The following EHBP1 variants were observed in gnomAD, a reference collection of about 807,000 sequenced individuals.
EHBP1 encodes EH domain binding protein 1, also known as EH domain-binding protein 1.
EHBP1 carries 55 observed loss-of-function variants against 144.0 expected under a neutral mutation model. That is an observed-to-expected ratio of 0.38 (90% CI 0.31 to 0.48). EHBP1 has a LOEUF of 0.48. EHBP1 is among the 20% of genes least tolerant of loss of function. The pLI is 0.98. For synonymous variants in EHBP1, 469 were observed against 472.7 expected (o/e 0.99, Z 0.10); for missense variants, 1,200 against 1,364.2 (o/e 0.88, Z 1.90).
At chr2:63,043,721 G>A (rs1265420748) in intron 21 of EHBP1, among the ~76,000 whole-genome samples, 2 of 151,822 alleles carry the variant, frequency 1.3e-5, no homozygotes, top group African/African-American at 4.8e-5. Flanking sequence ...ATTCTTGTGT[G>A]GTTTGTGAAG....
At chr2:63,019,870 A>AGGAAGGAG (rs1200948110) in intron 19 of EHBP1, among the ~76,000 whole-genome samples, 1 of 144,210 alleles carries the variant, frequency 6.9e-6, no homozygotes, top group Non-Finnish European at 1.5e-5. Context: ...GAAGGAAGGA[A>AGGAAGGAG]GGAAGGAAGG....
intron 19 of EHBP1, among the ~76,000 whole-genome samples, chr2:63,002,831 C>T (rs557727068): frequency 6.6e-6 from 1 of 152,136 alleles, no homozygotes; most frequent in East Asian, 1.9e-4. Flanking sequence ...TGAGCTAGTT[C>T]ATTCCATGAA....
chr2:63,000,072 G>T (rs1163550349), intron 19 of EHBP1, among the ~76,000 whole-genome samples: 1 of 152,196 alleles, frequency 6.6e-6, no homozygotes, highest in Non-Finnish European at 1.5e-5. Context: ...CCCCTGTGAT[G>T]CTGAAGCTAC....
chr2:63,020,771 C>G (rs868570294), intron 19 of EHBP1, among the ~76,000 whole-genome samples: 1 of 151,630 alleles, frequency 6.6e-6, no homozygotes, highest in Non-Finnish European at 1.5e-5. Context: ...ATTTGCCTCC[C>G]AGGTTCAAGC....
chr2:62,902,774 A>T (rs1247979459), intron 10 of EHBP1, among the ~76,000 whole-genome samples: 2 of 152,240 alleles, frequency 1.3e-5, no homozygotes, highest in Admixed American at 6.5e-5. Flanking sequence ...ACTGGTATAT[A>T]TGAAATATTT....
At chr2:63,010,571 A>G (rs2060222994) in intron 19 of EHBP1, among the ~76,000 whole-genome samples, 1 of 151,658 alleles carries the variant, frequency 6.6e-6, no homozygotes, top group Non-Finnish European at 1.5e-5. Context: ...TTAGACTCTA[A>G]ATGTTATAGA....
At chr2:62,859,324 G>T (rs1186391963) in intron 8 of EHBP1, 33 bp downstream of exon 8, 1 of 1,570,154 alleles carries the variant, frequency 6.4e-7, no homozygotes, top group Non-Finnish European at 8.7e-7. Flanking sequence ...TAAAGTCTTT[G>T]TATAGTCAAG....
chr2:62,996,697 A>C lies in EHBP1; in HGVS notation c.3034A>C (p.Asn1012His). ...AGTAGGAGAATTGGCAGCACTAGAG[A>C]ATGAGCAAAAGCAAATTGACACCCG... ...YVVGELAALE[N>H]EQKQIDTRAA... is the part of the protein sequence containing the mutation. The change falls in exon 19 of 23, where the codon AAT becomes CAT. Residue 1012 changes from asparagine (N) to histidine (H), a missense_variant. This residue lies in a region of EHBP1 where 149 missense variants were observed against 217.0 expected (regional missense o/e 0.69). Coordinates refer to ENST00000431489, the MANE Select transcript of EHBP1 (RefSeq NM_001142616.3). The C allele has an allele frequency of 6.2e-7, 1 of 1,613,388 alleles. No individual in the cohort carries two copies. The highest frequency in any genetic ancestry group is 1.3e-5 in the African/African-American group (1 of 74,966).
chr2:62,760,799 A>G (rs921870984), intron 3 of EHBP1, among the ~76,000 whole-genome samples: 7 of 152,192 alleles, frequency 4.6e-5, no homozygotes, highest in African/African-American at 1.7e-4. Flanking sequence ...GGTTGCTAGT[A>G]TGAGTTCATG....
chr2:62,975,151 T>A (rs2058656618), intron 14 of EHBP1, among the ~76,000 whole-genome samples: 3 of 152,172 alleles, frequency 2.0e-5, no homozygotes, highest in South Asian at 4.1e-4. Context: ...TGAATTTGGC[T>A]AGAATGGTCA....
intron 7 of EHBP1, among the ~76,000 whole-genome samples, chr2:62,855,211 A>G (rs377437773): frequency 3.9e-5 from 6 of 152,166 alleles, no homozygotes; most frequent in East Asian, 1.9e-4. Context: ...ACCTGCTCCA[A>G]TCTTGGAACA....
chr2:62,931,980 C>A (rs569643685), intron 10 of EHBP1, among the ~76,000 whole-genome samples: 3 of 152,054 alleles, frequency 2.0e-5, no homozygotes, highest in African/African-American at 7.2e-5. Flanking sequence ...AGTTCAAGAC[C>A]AGCCTGGCCA....
At chr2:62,826,344 A>G (rs1387184593) in intron 6 of EHBP1, 76 bp downstream of exon 6, 3 of 1,352,968 alleles carry the variant, frequency 2.2e-6, no homozygotes, top group South Asian at 1.6e-5. Flanking sequence ...GTAGACTGGC[A>G]ATAGTTGAAC....
intron 2 of EHBP1, among the ~76,000 whole-genome samples, chr2:62,747,149 T>G (rs2039237181): frequency 6.6e-6 from 1 of 152,092 alleles, no homozygotes; most frequent in Admixed American, 6.6e-5. Context: ...ATATTTTATT[T>G]TACTTGGTTT....
chr2:62,950,012 G>A (rs955793886), intron 13 of EHBP1, among the ~76,000 whole-genome samples: 5 of 152,052 alleles, frequency 3.3e-5, no homozygotes, highest in African/African-American at 1.2e-4. Context: ...GATAACACTC[G>A]TGTATATATA....
chr2:62,819,496 G>T (rs745614066), intron 5 of EHBP1, among the ~76,000 whole-genome samples: 3 of 152,150 alleles, frequency 2.0e-5, no homozygotes, highest in Non-Finnish European at 2.9e-5. Flanking sequence ...AGTGGCTCAT[G>T]CCTGTAATCC....
At chr2:62,887,720 C>T (rs1233707844) in intron 10 of EHBP1, among the ~76,000 whole-genome samples, 1 of 152,054 alleles carries the variant, frequency 6.6e-6, no homozygotes, top group African/African-American at 2.4e-5. Flanking sequence ...GCAGCAAGAT[C>T]CCATCAAATA....
chr2:62,914,999 A>G (rs936827003), intron 10 of EHBP1, among the ~76,000 whole-genome samples: 1 of 152,030 alleles, frequency 6.6e-6, no homozygotes, highest in Admixed American at 6.5e-5. Context: ...GTGCTATTAT[A>G]GTCTATTATT....
At chr2:62,839,421 A>G (rs1347965092) in intron 7 of EHBP1, among the ~76,000 whole-genome samples, 3 of 141,228 alleles carry the variant, frequency 2.1e-5, no homozygotes, top group Non-Finnish European at 4.6e-5. Flanking sequence ...ATTCCCTTTG[A>G]AAACTGGCAC....
Sources: gnomAD v4.1 joint callset for allele counts (sites outside exome capture counted in the v4.1 genomes callset) on GRCh38, gnomAD v4.1.1 for gene constraint, gnomAD v4.1.1 regional missense constraint, MANE v1.5 for transcripts, NCBI Gene and HGNC (gene_info 2026-07-23, HGNC 2026-07-21) for gene names.